Variants in S100A13 observed in about 807,000 individuals in gnomAD.
S100A13 encodes the protein S100 calcium binding protein A13.
S100A13 carries 6 observed loss-of-function variants against 8.2 expected under a neutral mutation model. The observed-to-expected ratio is 0.73, with a 90% CI of 0.40 to 1.44. The LOEUF is 1.44. S100A13 is among the 40% of genes most tolerant of loss of function. S100A13 has a pLI of 0.02. For synonymous variants in S100A13, 39 were observed against 45.9 expected (o/e 0.85, Z 0.61); for missense variants, 114 against 113.6 (o/e 1.00, Z -0.02).
In S100A13 at chr1:153,626,427, C is replaced by A. The variant is rs199790715; in HGVS notation, c.46G>T (p.Val16Leu). ...GCAAAGGTGAAGAAGGTGGTGACCA[C>A]GGTCTCAATGGACTCCTCTAGCTCT... is the stretch of plus-strand genomic sequence containing the variant. The part of the protein sequence containing the change: ...LTELEESIET[V>L]VTTFFTFARQ... Residue 16 changes from valine (V) to leucine (L), a missense_variant, in exon 2 of 3, where the codon GTG becomes TTG. Physicochemically the swap from Val to Leu is conservative, Grantham distance 32. Transcript: ENST00000476133. 2 of 1,614,176 alleles carry A rather than the reference C, an allele frequency of 1.2e-6. No individual in the cohort carries two copies. Among genetic ancestry groups the A allele is most frequent in the Non-Finnish European group, 1.7e-6 (2 of 1,180,016 alleles).
chr1:153,631,728 G>C, upstream of S100A13: 1 of 1,614,184 alleles, frequency 6.2e-7, no homozygotes, highest in Non-Finnish European at 8.5e-7. Flanking sequence ...TGTGGACAAG[G>C]TGATGAAGGA....
At chr1:153,623,431 G>C (rs1667407596) in intron 2 of S100A13, among the ~76,000 whole-genome samples, 1 of 151,656 alleles carries the variant, frequency 6.6e-6, no homozygotes. Flanking sequence ...TGTTGCCCAG[G>C]CTGGAGTGCA....
upstream of S100A13, chr1:153,630,479 T>G (rs1442445558): frequency 6.2e-7 from 1 of 1,610,220 alleles, no homozygotes; most frequent in Non-Finnish European, 8.5e-7. Context: ...GGCCTGGTCC[T>G]CAGCTCACTT....
chr1:153,631,957 AC>A (rs1369510328), upstream of S100A13: 31 of 1,003,684 alleles, frequency 3.1e-5, no homozygotes, highest in Non-Finnish European at 3.9e-5. Context: ...TGCCCACCCC[AC>A]CCCCACCCCC....
At chr1:153,625,148 G>A (rs1330314738) in intron 2 of S100A13, among the ~76,000 whole-genome samples, 5 of 152,172 alleles carry the variant, frequency 3.3e-5, no homozygotes, top group Non-Finnish European at 7.3e-5. Context: ...TGGGGCAGGA[G>A]GATTGCCTGA....
At chr1:153,619,786 C>T (rs985996372) in intron 2 of S100A13, among the ~76,000 whole-genome samples, 1 of 152,144 alleles carries the variant, frequency 6.6e-6, no homozygotes, top group Non-Finnish European at 1.5e-5. Flanking sequence ...TTTGAACCAA[C>T]ATTTGGATGC....
chr1:153,626,931 C>T, intron 1 of S100A13: 1 of 156,440 alleles, frequency 6.4e-6, no homozygotes, highest in Admixed American at 6.1e-5. Flanking sequence ...AGAATCCCTT[C>T]TTGTCTCACC....
upstream of S100A13, chr1:153,634,003 G>A (rs144899251): frequency 8.3e-3 from 1,271 of 152,518 alleles, 9 homozygotes; most frequent in Non-Finnish European, 0.013. Flanking sequence ...CTAGTCGTGC[G>A]CGGATCTGAC....
chr1:153,620,914 CA>C (rs1053140489), intron 2 of S100A13, among the ~76,000 whole-genome samples: 1 of 151,498 alleles, frequency 6.6e-6, no homozygotes, highest in African/African-American at 2.4e-5. Flanking sequence ...AAGAAAAGGA[CA>C]AAAAAAGGTA....
chr1:153,623,386 C>CT lies in S100A13; in HGVS notation c.153+2933dup, dbSNP rs75613554. On this transcript the variant is annotated intron_variant, in intron 2 of 2. Coordinates refer to ENST00000476133, the MANE Select transcript of S100A13 (RefSeq NM_001024211.2). ...TCCTGATTGCTCCTATTTTCGTTTC[C>CT]TTTTTTTTTTTTTTCCTTTGAGACA... 1.1e-3 allele frequency among the ~76,000 whole-genome samples: 149 copies of CT among 141,290 alleles called. 1 individual carries two copies. Among genetic ancestry groups the CT allele is most frequent in the East Asian group, 1.4e-3 (7 of 4,904 alleles). 92.7% of individuals were successfully genotyped at this position (141,290 alleles called of 152,430 possible).
In S100A13 at chr1:153,626,317, T is replaced by C; in HGVS notation, c.153+3A>G. On this transcript the variant is annotated splice_donor_region_variant and intron_variant, in intron 2 of 2. Transcript: ENST00000476133. ...AAAATCTCAGTCCCAGACTTCTGCC[T>C]ACCTTGAGCAGATGGGGCAACTGCT... The C allele has an allele frequency of 6.2e-7, 1 of 1,613,774 alleles. No individual in the cohort carries two copies.
At chr1:153,628,758 C>T (rs1015328774), upstream of S100A13, 20 of 528,564 alleles carry the variant, frequency 3.8e-5, no homozygotes, top group Admixed American at 3.4e-5. Flanking sequence ...CCATGAGCTT[C>T]CTGACCGCCT....
chr1:153,622,053 G>A (rs958640411), intron 2 of S100A13, among the ~76,000 whole-genome samples: 20 of 151,712 alleles, frequency 1.3e-4, no homozygotes, highest in African/African-American at 4.1e-4. Flanking sequence ...ACTTTTTTAG[G>A]AGGCAAATTG....
chr1:153,630,675 T>C, upstream of S100A13: 1 of 1,613,484 alleles, frequency 6.2e-7, no homozygotes, highest in Admixed American at 1.7e-5. Flanking sequence ...GAGCATAGAG[T>C]GGTGGAGTGG....
upstream of S100A13, chr1:153,630,621 C>G: frequency 6.2e-7 from 1 of 1,614,250 alleles, no homozygotes; most frequent in Non-Finnish European, 8.5e-7. Context: ...CAAGAAGGAG[C>G]TGAAAGAGCT....
chr1:153,620,519 A>G (rs1365606478), intron 2 of S100A13, among the ~76,000 whole-genome samples: 1 of 151,926 alleles, frequency 6.6e-6, no homozygotes, highest in Non-Finnish European at 1.5e-5. Context: ...CAAATACCAT[A>G]CCAGTATCAG....
chr1:153,621,885 A>T (rs1396889145), intron 2 of S100A13, among the ~76,000 whole-genome samples: 1 of 151,450 alleles, frequency 6.6e-6, no homozygotes, highest in Non-Finnish European at 1.5e-5. Context: ...AAAAAAAAAA[A>T]TTGAAGTTCC....
At chr1:153,619,110 T>C in intron 2 of S100A13, 72 bp from the exon 3 acceptor site, 1 of 1,367,136 alleles carries the variant, frequency 7.3e-7, no homozygotes, top group Non-Finnish European at 1.0e-6. Flanking sequence ...GGAAGAACTG[T>C]CAGCTGCTAT....
chr1:153,628,162 C>G (rs1203007056), upstream of S100A13: 3 of 1,550,474 alleles, frequency 1.9e-6, no homozygotes, highest in African/African-American at 4.1e-5. Flanking sequence ...CTGCAAGGCC[C>G]AGCTTGGGGT....
Sources: allele counts gnomAD v4.1 joint callset (sites outside exome capture counted in the v4.1 genomes callset), GRCh38; gene constraint gnomAD v4.1.1; transcripts MANE v1.5; gene names NCBI Gene and HGNC (gene_info 2026-07-23, HGNC 2026-07-21).